The following SGMS1 variants were observed in gnomAD, a reference collection of about 807,000 sequenced individuals.
The protein encoded by SGMS1 is phosphatidylcholine:ceramide cholinephosphotransferase 1.
SGMS1 carries 13 observed loss-of-function variants against 46.2 expected under a neutral mutation model. The observed-to-expected ratio is 0.28, with a 90% CI of 0.18 to 0.45. The LOEUF is 0.45. Among genes scored for constraint, SGMS1 ranks in the 20% least tolerant of loss-of-function variants. SGMS1 has a pLI of 1.00. For synonymous variants in SGMS1, 203 were observed against 187.8 expected, an observed-to-expected ratio of 1.08 and a Z score of -0.66; for missense variants, 324 against 519.9, an observed-to-expected ratio of 0.62 and a Z score of 3.66.
intron 1 of SGMS1, among the ~76,000 whole-genome samples, chr10:50,616,396 A>C (rs1316656590): frequency 1.3e-5 from 2 of 152,154 alleles, no homozygotes; most frequent in Non-Finnish European, 2.9e-5. Context: ...TCGGCCTCCC[A>C]AAGTGTTGGG....
At chr10:50,391,518 C>A (rs1209305787) in intron 6 of SGMS1, among the ~76,000 whole-genome samples, 2 of 152,102 alleles carry the variant, frequency 1.3e-5, no homozygotes, top group Non-Finnish European at 1.5e-5. Flanking sequence ...CCAAAAGTAA[C>A]AGATACTGGC....
At chr10:50,446,927 T>G (rs1837025785) in intron 5 of SGMS1, among the ~76,000 whole-genome samples, 1 of 152,234 alleles carries the variant, frequency 6.6e-6, no homozygotes, top group African/African-American at 2.4e-5. Flanking sequence ...AAGTGTTTCT[T>G]TCTTATCTTG....
intron 3 of SGMS1, among the ~76,000 whole-genome samples, chr10:50,468,052 A>C (rs61856832): frequency 0.18 from 26,637 of 152,140 alleles, 2,643 homozygotes; most frequent in Admixed American, 0.23. Flanking sequence ...CCTTCTTTCT[A>C]TAGGTACAGA....
At chr10:50,623,588 C>T in intron 1 of SGMS1, 119 bp downstream of exon 1, 1 of 985,276 alleles carries the variant, frequency 1.0e-6, no homozygotes. Context: ...CGCTCACGCC[C>T]CCTCGCCCCA....
intron 2 of SGMS1, among the ~76,000 whole-genome samples, chr10:50,542,444 G>A (rs555904240): frequency 4.2e-4 from 64 of 151,990 alleles, no homozygotes; most frequent in African/African-American, 1.4e-3. Flanking sequence ...AGACAAAGAA[G>A]AAACACTAAA....
chr10:50,343,090 G>C (rs1334816350), intron 7 of SGMS1: 1 of 159,036 alleles, frequency 6.3e-6, no homozygotes, highest in Non-Finnish European at 1.4e-5. Flanking sequence ...ACTCTGTGTG[G>C]GAAAAGCTAT....
chr10:50,589,016 C>T (rs898554636), intron 2 of SGMS1, among the ~76,000 whole-genome samples: 2 of 152,122 alleles, frequency 1.3e-5, no homozygotes, highest in Non-Finnish European at 2.9e-5. Context: ...CAGGCATGAG[C>T]CACCAGGCCC....
At chr10:50,471,881 A>G (rs1027119154) in intron 3 of SGMS1, among the ~76,000 whole-genome samples, 2 of 152,214 alleles carry the variant, frequency 1.3e-5, no homozygotes, top group Non-Finnish European at 2.9e-5. Flanking sequence ...ATAATCTTCT[A>G]CATTATTTAA....
rs1174711957 is a variant in SGMS1, at chr10:50,311,349, T to C, written c.808A>G (p.Ile270Val). 3 of 1,614,010 alleles carry C rather than the reference T, an allele frequency of 1.9e-6. No homozygotes were observed. The highest frequency in any genetic ancestry group is 1.7e-5 in the Admixed American group (1 of 59,978). The part of the protein sequence containing the change: ...MKLIAGGGLS[I>V]TGSHNMCGDY... The stretch of plus-strand genomic sequence containing the variant: ...CCACACATGTTGTGAGAGCCAGTGA[T>C]AGACAAGCCACCTCCAGCAATGAGC... Residue 270 changes from isoleucine (I) to valine (V), a missense_variant, in exon 9 of 11, where the codon ATC becomes GTC. Physicochemically the swap from Ile to Val is conservative, Grantham distance 29. Transcript: ENST00000361781.
intron 6 of SGMS1, among the ~76,000 whole-genome samples, chr10:50,405,148 T>A (rs1848995273): frequency 6.6e-6 from 1 of 152,176 alleles, no homozygotes; most frequent in South Asian, 2.1e-4. Context: ...ATACTAACGA[T>A]GTACATGCAC....
At chr10:50,318,714 A>C (rs1847389722) in intron 8 of SGMS1, among the ~76,000 whole-genome samples, 1 of 152,226 alleles carries the variant, frequency 6.6e-6, no homozygotes, top group Non-Finnish European at 1.5e-5. Flanking sequence ...TCTAAAGGAC[A>C]AGAGATTTTA....
intron 3 of SGMS1, among the ~76,000 whole-genome samples, chr10:50,486,110 T>C (rs997502915): frequency 6.6e-6 from 1 of 152,138 alleles, no homozygotes; most frequent in Admixed American, 6.6e-5. Flanking sequence ...ATAACTGAGA[T>C]AGCCATATAT....
At chr10:50,538,841 G>C (rs1246981462) in intron 2 of SGMS1, among the ~76,000 whole-genome samples, 4 of 152,212 alleles carry the variant, frequency 2.6e-5, no homozygotes, top group African/African-American at 7.2e-5. Context: ...GTTTTGATAA[G>C]AACAGGAGAT....
intron 2 of SGMS1, among the ~76,000 whole-genome samples, chr10:50,567,618 G>T (rs1011204783): frequency 1.3e-4 from 20 of 152,206 alleles, no homozygotes; most frequent in Non-Finnish European, 2.9e-4. Context: ...CAGTGTGTCT[G>T]AGTGCCCAAC....
chr10:50,571,264 G>A (rs1191283507), intron 2 of SGMS1, among the ~76,000 whole-genome samples: 1 of 152,200 alleles, frequency 6.6e-6, no homozygotes, highest in African/African-American at 2.4e-5. Flanking sequence ...TCTACATGAG[G>A]CTACTTTGCT....
At chr10:50,476,835 C>G (rs1837432213) in intron 3 of SGMS1, among the ~76,000 whole-genome samples, 1 of 152,238 alleles carries the variant, frequency 6.6e-6, no homozygotes, top group Non-Finnish European at 1.5e-5. Flanking sequence ...CCTGCAGGTG[C>G]ACAAAGGTCA....
chr10:50,325,520 G>A (rs1203864560), intron 8 of SGMS1, among the ~76,000 whole-genome samples: 1 of 152,190 alleles, frequency 6.6e-6, no homozygotes, highest in Non-Finnish European at 1.5e-5. Context: ...AGTTCCTGCT[G>A]CTACTTCTGT....
intron 3 of SGMS1, among the ~76,000 whole-genome samples, chr10:50,512,315 T>C (rs1216221236): frequency 6.6e-6 from 1 of 151,850 alleles, no homozygotes; most frequent in Non-Finnish European, 1.5e-5. Context: ...AAACCAGACA[T>C]ACCCTGAAGC....
chr10:50,429,485 A>T (rs1356461137), intron 6 of SGMS1, among the ~76,000 whole-genome samples: 1 of 152,182 alleles, frequency 6.6e-6, no homozygotes, highest in Non-Finnish European at 1.5e-5. Context: ...CACATTTCTT[A>T]GAACATAGCC....
Sources: gnomAD v4.1 joint callset for allele counts (sites outside exome capture counted in the v4.1 genomes callset) on GRCh38, gnomAD v4.1.1 for gene constraint, MANE v1.5 for transcripts, NCBI Gene and HGNC (gene_info 2026-07-23, HGNC 2026-07-21) for gene names.